Variants in ZFP2 observed in about 807,000 individuals in gnomAD.
ZFP2 encodes zinc finger protein ZFP2.
Under a neutral mutation model 36.1 loss-of-function variants are expected in ZFP2, and 33 were observed. The observed-to-expected ratio is 0.92, with a 90% CI of 0.69 to 1.22. ZFP2 has a LOEUF of 1.22. Among genes scored for constraint, ZFP2 ranks in the 50% most tolerant of loss-of-function variants. The pLI is 0.00. For missense variants in ZFP2, 522 were observed against 551.4 expected (o/e 0.95, Z 0.53); for synonymous variants, 170 against 178.0 (o/e 0.96, Z 0.36).
chr5:178,912,762 T>C, intron 2 of ZFP2, 43 bp downstream of exon 2: 1 of 1,050,182 alleles, frequency 9.5e-7, no homozygotes, highest in Non-Finnish European at 1.2e-6. Flanking sequence ...TTGACAATCA[T>C]AAGGCCTGAT....
Position 178,931,784 on chromosome 5 carries a change from C to G in ZFP2, c.471C>G (p.Pro157=). The change falls in exon 5 of 5, where the codon CCC becomes CCG. Residue 157 remains proline, a synonymous_variant. Transcript: ENST00000361362. ...VHQRIHTGEK[P]YKCNECGKAF... ...AAAGAATTCATACTGGAGAGAAACC[C>G]TATAAATGTAATGAATGTGGGAAAG... The G allele has an allele frequency of 3.1e-6, 5 of 1,613,930 alleles. No individual in the cohort carries two copies. The highest frequency in any genetic ancestry group is 4.2e-6 in the Non-Finnish European group (5 of 1,179,938).
At chr5:178,920,636 C>CA (rs373794810) in intron 4 of ZFP2, among the ~76,000 whole-genome samples, 14,187 of 118,126 alleles carry the variant, frequency 0.12, 739 homozygotes, top group East Asian at 0.15. Context: ...GACTTCGTCT[C>CA]AAAAAAAAAA....
At chr5:178,907,204 C>G (rs1462427407) in intron 1 of ZFP2, among the ~76,000 whole-genome samples, 1 of 152,076 alleles carries the variant, frequency 6.6e-6, no homozygotes, top group Non-Finnish European at 1.5e-5. Flanking sequence ...ACCCAAAAGC[C>G]TCCATTATGG....
chr5:178,917,554 G>C (rs1012535678), intron 4 of ZFP2, among the ~76,000 whole-genome samples: 1 of 151,928 alleles, frequency 6.6e-6, no homozygotes. Flanking sequence ...GGTGGAAGTT[G>C]CAGTAAGCCG....
chr5:178,928,591 G>A (rs994552975), intron 4 of ZFP2, among the ~76,000 whole-genome samples: 2 of 152,252 alleles, frequency 1.3e-5, no homozygotes. Flanking sequence ...GCACTCTGCT[G>A]CGAGGGGTGG....
intron 4 of ZFP2, among the ~76,000 whole-genome samples, chr5:178,923,309 C>T (rs1029430964): frequency 1.3e-5 from 2 of 149,592 alleles, no homozygotes; most frequent in Non-Finnish European, 3.0e-5. Flanking sequence ...TCCCCGCTTC[C>T]GCCAGCCCCT....
At chr5:178,916,097 A>G (rs946162856) in intron 3 of ZFP2, among the ~76,000 whole-genome samples, 4 of 152,016 alleles carry the variant, frequency 2.6e-5, no homozygotes, top group African/African-American at 9.7e-5. Flanking sequence ...GAGGGGGCCA[A>G]GGATGCTCTG....
At position 178,932,275 on chromosome 5, in the gene ZFP2, C is replaced by G. The variant is rs374560765; in HGVS notation, c.962C>G (p.Ser321Cys). 3 of 1,614,066 alleles carry G rather than the reference C, an allele frequency of 1.9e-6. No homozygotes were observed. In the African/African-American group the frequency reaches 4.0e-5, roughly 22 times the overall value. ...CTTATAGAACATCAGAGACTTCATT[C>G]TGGAGTAAAACCTTTTGAATGTAAC... Reference protein sequence around the residue: ...TYLIEHQRLHSGVKPFECNEC... With the variant: ...TYLIEHQRLHCGVKPFECNEC... Residue 321 changes from serine (S) to cysteine (C), a missense_variant, in exon 5 of 5, where the codon TCT becomes TGT. Physicochemically the swap from Ser to Cys is moderately radical, Grantham distance 112. Transcript: ENST00000361362.
At chr5:178,923,260 T>C (rs1229031655) in intron 4 of ZFP2, among the ~76,000 whole-genome samples, 1 of 149,692 alleles carries the variant, frequency 6.7e-6, no homozygotes, top group African/African-American at 2.4e-5. Flanking sequence ...TCATCTTTCC[T>C]AATGAAAACT....
At chr5:178,927,979 CA>C (rs1370245260) in intron 4 of ZFP2, among the ~76,000 whole-genome samples, 2 of 151,676 alleles carry the variant, frequency 1.3e-5, no homozygotes, top group Non-Finnish European at 2.9e-5. Flanking sequence ...GCAGGCATAT[CA>C]AATGATAAAA....
intron 3 of ZFP2, among the ~76,000 whole-genome samples, chr5:178,916,017 T>A (rs1758423683): frequency 6.6e-6 from 1 of 152,134 alleles, no homozygotes; most frequent in Admixed American, 6.6e-5. Flanking sequence ...GATTGGATAA[T>A]TATTGGGATG....
Position 178,916,582 on chromosome 5 carries a change from T to C in ZFP2, c.-206T>C, listed in dbSNP as rs995058385. The C allele has an allele frequency of 3.0e-6, 3 of 985,410 alleles. No homozygotes were observed. The highest frequency in any genetic ancestry group is 1.1e-4 in the East Asian group (1 of 8,792). 61.0% of individuals were successfully genotyped at this position (985,410 alleles called of 1,614,324 possible). On this transcript the variant is annotated 5_prime_UTR_variant, in exon 4 of 5. Coordinates refer to ENST00000361362, the MANE Select transcript of ZFP2 (RefSeq NM_030613.4). Reference sequence around the variant, plus strand: ...CTTTCCAGATTTTCTTGGATATTGCTGTCAGATTAATCTGACATTTAGTCC... The same window carrying C: ...CTTTCCAGATTTTCTTGGATATTGCCGTCAGATTAATCTGACATTTAGTCC...
At chr5:178,908,276 GTC>G in intron 1 of ZFP2, among the ~76,000 whole-genome samples, 1 of 151,964 alleles carries the variant, frequency 6.6e-6, no homozygotes, top group Admixed American at 6.6e-5. Flanking sequence ...GTGAAACCCT[GTC>G]TCTACTAAAA....
At chr5:178,908,684 C>CA (rs926448625) in intron 1 of ZFP2, among the ~76,000 whole-genome samples, 5 of 136,422 alleles carry the variant, frequency 3.7e-5, no homozygotes, top group Non-Finnish European at 6.2e-5. Flanking sequence ...CTGAAGGCTA[C>CA]AAAAAAAAGA....
At chr5:178,908,307 TGTG>T (rs1758210095) in intron 1 of ZFP2, among the ~76,000 whole-genome samples, 1 of 151,408 alleles carries the variant, frequency 6.6e-6, no homozygotes, top group Non-Finnish European at 1.5e-5. Flanking sequence ...AATTAGCTGG[TGTG>T]GTGGTGGTTG....
intron 1 of ZFP2, among the ~76,000 whole-genome samples, chr5:178,901,234 C>T (rs1470710837): frequency 6.6e-6 from 1 of 152,176 alleles, no homozygotes; most frequent in African/African-American, 2.4e-5. Context: ...AAACTGTTTT[C>T]CAAAGTATAT....
chr5:178,925,121 A>ATT (rs1758639301), intron 4 of ZFP2, among the ~76,000 whole-genome samples: 1 of 66,470 alleles, frequency 1.5e-5, no homozygotes. Flanking sequence ...ATATATATAT[A>ATT]TATATACACA....
chr5:178,917,080 A>C (rs957274923), intron 4 of ZFP2, among the ~76,000 whole-genome samples: 1 of 152,206 alleles, frequency 6.6e-6, no homozygotes, highest in South Asian at 2.1e-4. Flanking sequence ...TTGAGAAAAG[A>C]TAGAAATTTT....
chr5:178,905,257 T>C (rs1240770269), intron 1 of ZFP2, among the ~76,000 whole-genome samples: 1 of 152,250 alleles, frequency 6.6e-6, no homozygotes, highest in Non-Finnish European at 1.5e-5. Context: ...TCTTTCATTA[T>C]GGCCTTTAAC....
Sources: gnomAD v4.1 joint callset for allele counts (sites outside exome capture counted in the v4.1 genomes callset) on GRCh38, gnomAD v4.1.1 for gene constraint, MANE v1.5 for transcripts, NCBI Gene and HGNC (gene_info 2026-07-23, HGNC 2026-07-21) for gene names.